The following HYDIN variants were observed in gnomAD, a reference collection of about 807,000 sequenced individuals.
HYDIN encodes the protein axonemal central pair apparatus protein HYDIN.
Under a neutral mutation model 403.9 loss-of-function variants are expected in HYDIN, and 132 were observed. The observed-to-expected ratio is 0.33, with a 90% CI of 0.28 to 0.38. The LOEUF (loss-of-function observed/expected upper bound fraction) is 0.38, where lower values mean the gene tolerates loss of function less well. HYDIN is among the 10% of genes least tolerant of loss of function. The pLI, the probability that HYDIN is intolerant of heterozygous loss-of-function variation, is 1.00. For synonymous variants in HYDIN, 1,202 were observed against 1,891.7 expected (o/e 0.64, Z 9.46); for missense variants, 2,827 against 5,009.5 (o/e 0.56, Z 13.15).
intron 9 of HYDIN, 37 bp downstream of exon 9, chr16:71,129,603 C>T (rs1411613931): frequency 6.5e-7 from 1 of 1,538,074 alleles, no homozygotes; most frequent in Admixed American, 2.0e-5. Context: ...CTCCCACTTA[C>T]ATTTCCTGTA....
At chr16:71,063,829 G>A (rs1306767045) in intron 16 of HYDIN, among the ~76,000 whole-genome samples, 4 of 151,920 alleles carry the variant, frequency 2.6e-5, no homozygotes, top group Middle Eastern at 3.2e-3. Flanking sequence ...TGCGAACATG[G>A]TGCTTTTTCG....
intron 4 of HYDIN, among the ~76,000 whole-genome samples, chr16:71,178,435 A>ATATATATATATG (rs66994005): frequency 3.8e-3 from 161 of 41,934 alleles, no homozygotes; most frequent in Middle Eastern, 0.017. Flanking sequence ...AAAAAAAAAA[A>ATATATATATATG]TATATATATA....
chr16:71,007,560 G>A (rs574281680), intron 23 of HYDIN, among the ~76,000 whole-genome samples: 14 of 151,138 alleles, frequency 9.3e-5, no homozygotes, highest in East Asian at 1.9e-4. Context: ...ATGAAAAAAC[G>A]TTCATTGTCA....
intron 1 of HYDIN, among the ~76,000 whole-genome samples, chr16:71,208,604 A>G (rs2088419020): frequency 6.6e-6 from 1 of 152,186 alleles, no homozygotes; most frequent in African/African-American, 2.4e-5. Flanking sequence ...CAAAATATCA[A>G]CAAATCCAGA....
At chr16:71,018,749 G>A (rs1422044110) in intron 22 of HYDIN, among the ~76,000 whole-genome samples, 5 of 152,302 alleles carry the variant, frequency 3.3e-5, no homozygotes, top group Non-Finnish European at 5.9e-5. Context: ...ATTTTGATAA[G>A]TGTTGTGTGG....
In HYDIN at chr16:70,802,109, T is replaced by C. The variant is rs570293169; in HGVS notation, c.*5471A>G. 6.6e-6 allele frequency: 1 copy of C among 152,268 alleles called. No homozygotes were observed. The highest frequency in any genetic ancestry group is 1.9e-4 in the East Asian group (1 of 5,186). The allele number at this position is 152,268 out of a possible 1,614,324, so 9.4% of individuals were successfully genotyped here. ...CATGGTGATACTTTTCTTTAATGAA[T>C]GAAAAGTGCATATATAGGCCTTATA... On this transcript the variant is annotated 3_prime_UTR_variant, in exon 86 of 86. Coordinates refer to ENST00000393567, the MANE Select transcript of HYDIN (RefSeq NM_001270974.2).
chr16:70,833,466 T>G (rs2037156547), intron 79 of HYDIN, among the ~76,000 whole-genome samples: 1 of 113,200 alleles, frequency 8.8e-6, no homozygotes, highest in African/African-American at 3.9e-5. Flanking sequence ...CACTGCTTCC[T>G]GGTTCAGATC....
rs74424621 is a variant in HYDIN at position 70,818,323 on chromosome 16, G to A, written c.14658+19C>T. The A allele has an allele frequency of 3.4e-5, 54 of 1,587,548 alleles. 1 individual carries two copies. The highest frequency in any genetic ancestry group is 9.0e-5 in the South Asian group (8 of 88,660). On this transcript the variant is annotated intron_variant, in intron 84 of 85. Coordinates refer to ENST00000393567, the MANE Select transcript of HYDIN (RefSeq NM_001270974.2). ...CTCTCACAGCTCTCAGGGAGCCCCC[G>A]ACAGCCAAGGGGCCGTACCTCGGAG...
At chr16:70,965,612 GC>G (rs2078549597) in intron 36 of HYDIN, among the ~76,000 whole-genome samples, 1 of 152,138 alleles carries the variant, frequency 6.6e-6, no homozygotes, top group Admixed American at 6.5e-5. Context: ...GTTTTAAAAA[GC>G]ATTTACTTCT....
At chr16:71,141,287 TGAAAAAA>T (rs2085160280) in intron 7 of HYDIN, among the ~76,000 whole-genome samples, 1 of 150,616 alleles carries the variant, frequency 6.6e-6, no homozygotes, top group African/African-American at 2.4e-5. Context: ...CATAGCCATA[TGAAAAAA>T]CATATCTCAT....
At chr16:71,210,617 C>G (rs2088535550) in intron 1 of HYDIN, among the ~76,000 whole-genome samples, 1 of 151,938 alleles carries the variant, frequency 6.6e-6, no homozygotes, top group Non-Finnish European at 1.5e-5. Context: ...TCACGAGTTT[C>G]TTATATAACA....
At chr16:71,217,245 A>G (rs2088932010) in intron 1 of HYDIN, among the ~76,000 whole-genome samples, 1 of 152,204 alleles carries the variant, frequency 6.6e-6, no homozygotes, top group Non-Finnish European at 1.5e-5. Flanking sequence ...TGACTTATGC[A>G]CACATTTACC....
chr16:71,225,054 T>C (rs1475153804), intron 1 of HYDIN, among the ~76,000 whole-genome samples: 1 of 152,148 alleles, frequency 6.6e-6, no homozygotes, highest in East Asian at 1.9e-4. Context: ...GAATAGGTGA[T>C]GGTTGTAAAA....
At chr16:70,808,199 G>T in intron 85 of HYDIN, 137 bp from the exon 86 acceptor site, 1 of 998,470 alleles carries the variant, frequency 1.0e-6, no homozygotes, top group Non-Finnish European at 1.5e-6. Flanking sequence ...ATAAAGTTGT[G>T]TCCTTATAAC....
rs2035026723 is a variant in HYDIN at position 70,804,602 on chromosome 16, C to G, written c.*2978G>C. Among the ~76,000 whole-genome samples the G allele has an allele frequency of 6.6e-6, 1 of 151,358 alleles. No individual in the cohort carries two copies. Among genetic ancestry groups the G allele is most frequent in the South Asian group, 2.1e-4 (1 of 4,822 alleles). The stretch of plus-strand genomic sequence containing the variant: ...CAGTTGTTTCACTGGTACACAGGAC[C>G]AAGAATAAATATCTCAAACGGAAAA... On this transcript the variant is annotated 3_prime_UTR_variant, in exon 86 of 86. Coordinates refer to ENST00000393567, the MANE Select transcript of HYDIN (RefSeq NM_001270974.2).
intron 84 of HYDIN, among the ~76,000 whole-genome samples, chr16:70,813,612 T>C (rs902055209): frequency 5.9e-5 from 9 of 152,242 alleles, no homozygotes; most frequent in African/African-American, 1.4e-4. Flanking sequence ...TTTTGGTTCA[T>C]TTGTTACAGA....
Position 70,832,857 on chromosome 16 carries a change from C to T in HYDIN, c.13890G>A (p.Ala4630=), listed in dbSNP as rs3843041. ...TLSGVCVGPP[A]VKEVVNFTCQ... Reference sequence around the variant, plus strand: ...GGCAGCAGCTACTAACCTCTTTTACCGCAGGTGGTCCCACGCAGACTCCAG... The same window carrying T: ...GGCAGCAGCTACTAACCTCTTTTACTGCAGGTGGTCCCACGCAGACTCCAG... The change falls in exon 80 of 86, where the codon GCG becomes GCA. Residue 4630 remains alanine (A), a synonymous_variant. Coordinates refer to ENST00000393567, the MANE Select transcript of HYDIN (RefSeq NM_001270974.2). 84,272 of 1,371,592 alleles carry T rather than the reference C, an allele frequency of 0.061. 6,252 individuals are homozygous for T. The highest frequency in any genetic ancestry group is 0.3 in the African/African-American group (18,437 of 60,586). 85.0% of individuals were successfully genotyped at this position (1,371,592 alleles called of 1,614,324 possible). A position where few individuals can be genotyped will look rare whatever the true frequency, so the allele number is the denominator to read the frequency against.
chr16:70,893,836 T>G (rs2041619788), intron 55 of HYDIN: 1 of 152,348 alleles, frequency 6.6e-6, no homozygotes, highest in Non-Finnish European at 1.5e-5. Context: ...CTGTGTTTCA[T>G]TTTTTATCTC....
Position 71,030,576 on chromosome 16 carries a change from G to T in HYDIN, c.2768+1103C>A, listed in dbSNP as rs1463996854. On this transcript the variant is annotated intron_variant, in intron 19 of 85. Transcript: ENST00000393567. ...GCCTCCTGAGTAGCTGGGACTACAC[G>T]CACCTGCCACCATGCCCAGAATTTT... is the stretch of plus-strand genomic sequence containing the variant. 2.0e-5 allele frequency among the ~76,000 whole-genome samples: 3 copies of T among 151,614 alleles called. No individual in the cohort carries two copies. The East Asian group carries it at 5.9e-4, about 30-fold the overall frequency.
Sources: gnomAD v4.1 joint callset for allele counts (sites outside exome capture counted in the v4.1 genomes callset) on GRCh38, gnomAD v4.1.1 for gene constraint, MANE v1.5 for transcripts, NCBI Gene and HGNC (gene_info 2026-07-23, HGNC 2026-07-21) for gene names.